SLC6A16: variants seen among roughly 807,000 people sequenced by gnomAD.
The protein encoded by SLC6A16 is orphan sodium- and chloride-dependent neurotransmitter transporter NTT5.
SLC6A16 carries 54 observed loss-of-function variants against 65.4 expected under a neutral mutation model. That is an observed-to-expected ratio of 0.83 (90% CI 0.66 to 1.04). SLC6A16 has a LOEUF of 1.04. Ranked by LOEUF, SLC6A16 falls within the 50% of genes least tolerant of loss-of-function variation. The probability of loss-of-function intolerance (pLI) is 0.00; values close to 1 mark genes in which losing one functional copy is unlikely to be tolerated. For missense variants in SLC6A16, 816 were observed against 914.0 expected (o/e 0.89, Z 1.38); for synonymous variants, 330 against 346.5 (o/e 0.95, Z 0.53).
intron 7 of SLC6A16, chr19:49,306,111 A>T (rs1247918369): frequency 6.6e-6 from 1 of 152,172 alleles, no homozygotes; most frequent in Non-Finnish European, 1.5e-5. Flanking sequence ...GTCCTGGCTA[A>T]CACGGTGAAA....
At chr19:49,326,372 C>T (rs552146640), upstream of SLC6A16, among the ~76,000 whole-genome samples, 16 of 152,168 alleles carry the variant, frequency 1.1e-4, no homozygotes, top group African/African-American at 3.9e-4. Flanking sequence ...AAGTGAAAGG[C>T]AAATAATATC....
In SLC6A16 at chr19:49,289,897, T is replaced by C; in HGVS notation, c.*226A>G. The C allele has an allele frequency of 1.7e-6, 1 of 574,672 alleles. No homozygotes were observed. The highest frequency in any genetic ancestry group is 2.2e-5 in the South Asian group (1 of 46,374). The allele number at this position is 574,672 out of a possible 1,614,324, so 35.6% of individuals were successfully genotyped here. ...TGTATATGTGTTGTGCATGTATGTG[T>C]GTTGAGGAAGAGGATGGGGAAAACA... On this transcript the variant is annotated 3_prime_UTR_variant, in exon 12 of 12. Coordinates refer to ENST00000335875, the MANE Select transcript of SLC6A16 (RefSeq NM_014037.3).
At chr19:49,290,855 C>T in intron 10 of SLC6A16, 88 bp from the exon 11 acceptor site, 2 of 1,082,166 alleles carry the variant, frequency 1.8e-6, no homozygotes, top group Admixed American at 2.5e-5. Context: ...ATCTTTCAAA[C>T]ATTCTATTGT....
chr19:49,297,782 T>C (rs1037100897), intron 7 of SLC6A16, among the ~76,000 whole-genome samples: 23 of 151,822 alleles, frequency 1.5e-4, no homozygotes, highest in African/African-American at 5.3e-4. Flanking sequence ...CTCCAATACA[T>C]CCAGTATCAT....
intron 7 of SLC6A16, among the ~76,000 whole-genome samples, chr19:49,297,602 A>T (rs971383898): frequency 2.0e-5 from 3 of 151,978 alleles, no homozygotes; most frequent in Admixed American, 1.3e-4. Flanking sequence ...ATCCAAGAGA[A>T]ATGAAAACAT....
chr19:49,334,792 C>T, the SLC6A16 span, among the ~76,000 whole-genome samples: 1 of 152,068 alleles, frequency 6.6e-6, no homozygotes, highest in Non-Finnish European at 1.5e-5. Context: ...ACTCAGAAGG[C>T]AGAGGTGGGA....
the SLC6A16 span, among the ~76,000 whole-genome samples, chr19:49,334,867 T>A: frequency 6.6e-6 from 1 of 151,710 alleles, no homozygotes; most frequent in East Asian, 1.9e-4. Flanking sequence ...GGGTGAAAAG[T>A]GAGACCCTGT....
Position 49,292,084 on chromosome 19 carries a change from C to T in SLC6A16, c.1778+1139G>A, listed in dbSNP as rs1341625411. Among the ~76,000 whole-genome samples, 1 of 152,164 alleles carries T rather than the reference C, an allele frequency of 6.6e-6. No individual in the cohort carries two copies. Among genetic ancestry groups the T allele is most frequent in the Non-Finnish European group, 1.5e-5 (1 of 68,028 alleles). On this transcript the variant is annotated intron_variant, in intron 10 of 11. Coordinates refer to ENST00000335875, the MANE Select transcript of SLC6A16 (RefSeq NM_014037.3). The surrounding 1 kb of genome is among the most constrained non-coding windows in gnomAD (Gnocchi z 4.3). The stretch of plus-strand genomic sequence containing the variant: ...AGCTCTCACTTGAAATATTACATAG[C>T]TTTCACCAGGCGGGGTGGCTCACGC...
At chr19:49,334,238 C>G in the SLC6A16 span, among the ~76,000 whole-genome samples, 28 of 152,258 alleles carry the variant, frequency 1.8e-4, no homozygotes, top group East Asian at 4.4e-3. Context: ...AATCCCAGCA[C>G]TTTAGGAGGC....
chr19:49,332,131 A>G, the SLC6A16 span: 1 of 456,598 alleles, frequency 2.2e-6, no homozygotes, highest in Non-Finnish European at 4.4e-6. Flanking sequence ...AGAGAAAATC[A>G]GTTCTTTGCA....
chr19:49,303,652 C>CAAAA (rs59791436), intron 7 of SLC6A16, among the ~76,000 whole-genome samples: 1 of 87,894 alleles, frequency 1.1e-5, no homozygotes. Flanking sequence ...GAGACTGTCT[C>CAAAA]AAAAAAAAAA....
chr19:49,295,962 C>A (rs989412804), intron 7 of SLC6A16, among the ~76,000 whole-genome samples: 1 of 152,142 alleles, frequency 6.6e-6, no homozygotes, highest in Non-Finnish European at 1.5e-5. Flanking sequence ...GATGCAATCC[C>A]AATTAACACC....
intron 5 of SLC6A16, 86 bp downstream of exon 5, chr19:49,309,565 A>G: frequency 3.6e-6 from 5 of 1,374,272 alleles, no homozygotes; most frequent in Non-Finnish European, 5.1e-6. Context: ...CCAAAGGAGT[A>G]AGAGATTAGG....
intron 1 of SLC6A16, among the ~76,000 whole-genome samples, chr19:49,323,023 A>G (rs1038596314): frequency 1.3e-5 from 2 of 152,030 alleles, no homozygotes; most frequent in African/African-American, 4.8e-5. Context: ...TGTTACTCAC[A>G]TAAAGATACA....
the SLC6A16 span, among the ~76,000 whole-genome samples, chr19:49,333,449 C>T: frequency 3.9e-5 from 6 of 152,060 alleles, no homozygotes; most frequent in Admixed American, 1.3e-4. Flanking sequence ...CCAGCCTGGG[C>T]GAAGAGTGAG....
chr19:49,329,728 G>C (rs1009570353), upstream of SLC6A16, among the ~76,000 whole-genome samples: 7 of 148,840 alleles, frequency 4.7e-5, no homozygotes, highest in African/African-American at 1.8e-4. Context: ...TGCCTCCCAG[G>C]TTCACACCAT....
the SLC6A16 span, chr19:49,339,501 G>A: frequency 6.5e-7 from 1 of 1,535,124 alleles, no homozygotes; most frequent in Non-Finnish European, 8.9e-7. The surrounding 1 kb of genome is among the most constrained non-coding windows in gnomAD (Gnocchi z 4.5). Context: ...TGCCTGGGAA[G>A]GACGAGCTCA....
intron 7 of SLC6A16, 131 bp from the exon 8 acceptor site, chr19:49,294,684 G>C: frequency 1.2e-6 from 1 of 856,868 alleles, no homozygotes; most frequent in Middle Eastern, 3.7e-4. Flanking sequence ...TAGAGCCTGG[G>C]ATGAATCCTA....
At chr19:49,319,760 C>T (rs957306719) in intron 1 of SLC6A16, among the ~76,000 whole-genome samples, 1 of 152,078 alleles carries the variant, frequency 6.6e-6, no homozygotes, top group Admixed American at 6.6e-5. Flanking sequence ...GCAGAATACA[C>T]ATTCTTCTCA....
Sources: allele counts gnomAD v4.1 joint callset (sites outside exome capture counted in the v4.1 genomes callset), GRCh38; gene constraint gnomAD v4.1.1; non-coding constraint Gnocchi (gnomAD v3.1); transcripts MANE v1.5; gene names NCBI Gene and HGNC (gene_info 2026-07-23, HGNC 2026-07-21).